Variants in LAS1L observed in about 807,000 individuals in gnomAD.
LAS1L encodes ribosomal biogenesis protein LAS1L.
A neutral mutation model predicts 57.3 loss-of-function variants in LAS1L; 5 were observed. The observed-to-expected ratio is 0.09, with a 90% CI of 0.05 to 0.18. LAS1L has a LOEUF of 0.18. Among genes scored for constraint, LAS1L ranks in the 10% least tolerant of loss-of-function variants. LAS1L has a pLI of 1.00. For synonymous variants in LAS1L, 245 were observed against 231.7 expected (o/e 1.06, Z -0.52); for missense variants, 360 against 568.3 (o/e 0.63, Z 3.73).
rs768611400 is a variant in LAS1L at position 65,518,511 on chromosome X, C to A, written c.1449-46G>T. The stretch of plus-strand genomic sequence containing the variant: ...GGTAGGAAAGATTCAAAATCTCAAG[C>A]CACTTCATACCCCAACACTCCAGGG... On this transcript the variant is annotated intron_variant, in intron 11 of 13. Transcript: ENST00000374811. 3.5e-6 allele frequency: 4 copies of A among 1,138,546 alleles called. No homozygotes were observed. The South Asian group carries it at 8.5e-5, about 24-fold the overall frequency. The allele number at this position is 1,138,546 out of a possible 1,213,427, so 93.8% of individuals were successfully genotyped here. A position where few individuals can be genotyped will look rare whatever the true frequency, so the allele number is the denominator to read the frequency against.
At chrX:65,514,667 C>G (rs1431670759) in intron 13 of LAS1L, among the ~76,000 whole-genome samples, 156 bp downstream of exon 13, 1 of 110,518 alleles carries the variant, frequency 9.0e-6, no homozygotes, top group African/African-American at 3.3e-5. Flanking sequence ...ACAGGGAGAG[C>G]TGGCAAGGGC....
rs762727361 is a variant in LAS1L, at chrX:65,512,803, C to G, written c.2177G>C (p.Gly726Ala). The G allele has an allele frequency of 1.2e-5, 14 of 1,166,634 alleles. No homozygotes were observed. The highest frequency in any genetic ancestry group is 1.6e-5 in the Non-Finnish European group (14 of 873,029). Residue 726 changes from glycine (G) to alanine (A), a missense_variant, in exon 14 of 14, where the codon GGG becomes GCG. Physicochemically the swap from Gly to Ala is moderately conservative, Grantham distance 60. This residue lies in a region of LAS1L where 123 missense variants were observed against 168.3 expected (regional missense o/e 0.73). Transcript: ENST00000374811. ...GAAGAGCTGCAGGCCAGTTTTGAGC[C>G]CATGCAGCTGCCCCTGGCTCCAGAG... The part of the protein sequence containing the change: ...GLLWSQGQLH[G>A]LKTGLQLF
intron 12 of LAS1L, among the ~76,000 whole-genome samples, chrX:65,517,749 C>A (rs772718867): frequency 8.9e-6 from 1 of 112,717 alleles, no homozygotes; most frequent in South Asian, 3.7e-4. Context: ...CCCATGTCAT[C>A]CTCTCAGAAT....
At chrX:65,518,745 ATGCCTGGCACAG>A (rs1473745390) in intron 11 of LAS1L, 1 of 657,839 alleles carries the variant, frequency 1.5e-6, no homozygotes, top group Non-Finnish European at 1.8e-6. Context: ...CTCACATAGA[ATGCCTGGCACAG>A]TGCCTGGCAC....
intron 11 of LAS1L, among the ~76,000 whole-genome samples, chrX:65,520,185 GAGA>G (rs1229421579): frequency 1.8e-5 from 2 of 111,729 alleles, no homozygotes; most frequent in Non-Finnish European, 3.8e-5. Context: ...GCTCAGGACT[GAGA>G]AGGTCACAGA....
At chrX:65,524,377 T>C (rs1569438427) in intron 9 of LAS1L, 115 bp from the exon 10 acceptor site, 7 of 603,455 alleles carry the variant, frequency 1.2e-5, no homozygotes, top group Non-Finnish European at 1.9e-5. Flanking sequence ...AGCAAGAGAA[T>C]GTGTGCGCGC....
Position 65,532,554 on chromosome X carries a change from T to A in LAS1L, c.432+7A>T. The A allele has an allele frequency of 8.4e-7, 1 of 1,195,230 alleles. No homozygotes were observed. Among genetic ancestry groups the A allele is most frequent in the Non-Finnish European group, 1.1e-6 (1 of 880,264 alleles). On this transcript the variant is annotated splice_region_variant and intron_variant, in intron 3 of 13. Transcript: ENST00000374811. ...AGAATTGAGCAAGTTCACTGAATCA[T>A]ACGCACCTCTTGAGCCAGACACTTG...
In LAS1L at chrX:65,522,016, T is replaced by C. The variant is rs769029571; in HGVS notation, c.1448+1544A>G. Reference sequence around the variant, plus strand: ...GGAGATTTTGCTTGTGTTGCTGTTATTGTTGTTTTGTTTAAGATGAGAAAA... The same window carrying C: ...GGAGATTTTGCTTGTGTTGCTGTTACTGTTGTTTTGTTTAAGATGAGAAAA... On this transcript the variant is annotated intron_variant, in intron 11 of 13. Coordinates refer to ENST00000374811, the MANE Select transcript of LAS1L (RefSeq NM_031206.7). The C allele has an allele frequency of 3.6e-5, 4 of 111,527 alleles. No homozygotes were observed. The Admixed American group carries it at 3.8e-4, about 11-fold the overall frequency. The allele number at this position is 111,527 out of a possible 1,213,427, so 9.2% of individuals were successfully genotyped here.
At position 65,534,673 on chromosome X, in the gene LAS1L, C is replaced by T; in HGVS notation, c.43G>A (p.Gly15Arg). ...CACGCACTCCACACGAGATCCATCC[C>T]CTGGGAACCTAGACCTGGCCCGGCC... ...SGAGPGLGSQGMDLVWSAWYG... is the reference protein window; with the variant it reads ...SGAGPGLGSQRMDLVWSAWYG... The change falls in exon 1 of 14, where the codon GGG becomes AGG. Residue 15 changes from glycine (G) to arginine (R), a missense_variant. By Grantham distance (125) the Gly-to-Arg change is moderately radical (BLOSUM62 -2). This residue lies in a region of LAS1L where 36 missense variants were observed against 27.9 expected (regional missense o/e 1.29). Transcript: ENST00000374811. The T allele has an allele frequency of 1.7e-6, 2 of 1,185,591 alleles. No individual in the cohort carries two copies. Among genetic ancestry groups the T allele is most frequent in the South Asian group, 3.7e-5 (2 of 53,792 alleles).
chrX:65,521,102 TTGAC>T, intron 11 of LAS1L: 3 of 753,552 alleles, frequency 4.0e-6, no homozygotes, highest in South Asian at 6.8e-5. Flanking sequence ...AAGTCTTGCC[TTGAC>T]TGACTTTGTC....
At chrX:65,513,045 C>T (rs768809945) in intron 13 of LAS1L, 144 bp from the exon 14 acceptor site, 20 of 606,983 alleles carry the variant, frequency 3.3e-5, no homozygotes, top group African/African-American at 6.8e-5. Context: ...ATCCGAGAAA[C>T]GACTTCGTGT....
At chrX:65,519,731 G>A (rs1391948789) in intron 11 of LAS1L, among the ~76,000 whole-genome samples, 1 of 110,985 alleles carries the variant, frequency 9.0e-6, no homozygotes, top group Non-Finnish European at 1.9e-5. Context: ...AGATGGATGC[G>A]GATGGTTCAC....
chrX:65,532,432 G>A (rs2069547129), intron 3 of LAS1L, 129 bp downstream of exon 3: 6 of 514,066 alleles, frequency 1.2e-5, no homozygotes, highest in Non-Finnish European at 2.1e-5. Context: ...TGAGGCTCTG[G>A]GATTCTTGCT....
Position 65,523,707 on chromosome X carries a change from C to T in LAS1L, c.1301G>A (p.Gly434Glu). Residue 434 changes from glycine to glutamate, a missense_variant and splice_region_variant, in exon 11 of 14, where the codon GGA (glycine) becomes GAA (glutamate). By Grantham distance (98) the Gly-to-Glu change is moderately conservative. This residue lies in a region of LAS1L where 81 missense variants were observed against 192.1 expected (regional missense o/e 0.42). Coordinates refer to ENST00000374811, the MANE Select transcript of LAS1L (RefSeq NM_031206.7). ...TGCAGAAAATCGGCGAGCATTCCGT[C>T]CTGAGAGAGAAGAGAGGATCTAAGG... ...VELIVANTKT[G>E]RNARRFSAGQ... is the part of the protein sequence containing the mutation. 8.5e-7 allele frequency: 1 copy of T among 1,181,770 alleles called. No individual in the cohort carries two copies. Among genetic ancestry groups the T allele is most frequent in the Non-Finnish European group, 1.1e-6 (1 of 880,677 alleles).
intron 13 of LAS1L, among the ~76,000 whole-genome samples, chrX:65,513,589 C>A (rs766260269): frequency 6.2e-5 from 7 of 112,230 alleles, no homozygotes; most frequent in Non-Finnish European, 1.1e-4. Flanking sequence ...ATCTTACAGA[C>A]AAGTTAACTG....
chrX:65,531,573 T>A, intron 3 of LAS1L, 135 bp from the exon 4 acceptor site: 1 of 459,810 alleles, frequency 2.2e-6, no homozygotes, highest in East Asian at 3.6e-5. Context: ...GAAAGAAGAT[T>A]CCAATCACAG....
intron 13 of LAS1L, 30 bp downstream of exon 13, chrX:65,514,793 G>A (rs748503748): frequency 8.8e-7 from 1 of 1,142,286 alleles, no homozygotes; most frequent in South Asian, 2.1e-5. Flanking sequence ...GAGAAAGGGG[G>A]TGAGAAATCC....
rs1406631253 is a variant in LAS1L at position 65,525,057 on chromosome X, C to A, written c.957-7G>T. On this transcript the variant is annotated splice_region_variant and splice_polypyrimidine_tract_variant and intron_variant, in intron 7 of 13. Transcript: ENST00000374811. ...AGCATCCAGCACAGCCTCCCTGGAA[C>A]AAGAGGACACTAGTTTAGCAAAGTG... is the stretch of plus-strand genomic sequence containing the variant. 8.4e-7 allele frequency: 1 copy of A among 1,192,085 alleles called. No individual in the cohort carries two copies. The highest frequency in any genetic ancestry group is 1.8e-5 in the South Asian group (1 of 55,457).
intron 11 of LAS1L, chrX:65,520,707 T>C (rs1202844247): frequency 2.7e-6 from 2 of 752,141 alleles, no homozygotes; most frequent in Admixed American, 8.9e-5. Context: ...CGTACCCAAG[T>C]GAGCCGCTGT....
Sources: gnomAD v4.1 joint callset for allele counts (sites outside exome capture counted in the v4.1 genomes callset) on GRCh38, gnomAD v4.1.1 for gene constraint, gnomAD v4.1.1 regional missense constraint, MANE v1.5 for transcripts, NCBI Gene and HGNC (gene_info 2026-07-23, HGNC 2026-07-21) for gene names.